The following SLC30A8 variants were observed in gnomAD, a reference collection of about 807,000 sequenced individuals.
SLC30A8 encodes solute carrier family 30 member 8, also known as proton-coupled zinc antiporter SLC30A8.
Under a neutral mutation model 36.9 loss-of-function variants are expected in SLC30A8, and 27 were observed. That is an observed-to-expected ratio of 0.73 (90% CI 0.54 to 1.01). The LOEUF is 1.01. Ranked by LOEUF, SLC30A8 falls within the 50% of genes least tolerant of loss-of-function variation. The probability of loss-of-function intolerance (pLI) is 0.00; values close to 1 mark genes in which losing one functional copy is unlikely to be tolerated. For synonymous variants in SLC30A8, 164 were observed against 172.4 expected (o/e 0.95, Z 0.38); for missense variants, 439 against 452.0 (o/e 0.97, Z 0.26).
intron 1 of SLC30A8, among the ~76,000 whole-genome samples, chr8:117,139,894 G>T (rs1349617193): frequency 6.6e-6 from 1 of 150,604 alleles, no homozygotes; most frequent in South Asian, 2.1e-4. Context: ...AACAGTCCAG[G>T]TGTTGTATTT....
chr8:117,082,601 T>C (rs1342167818), intron 2 of SLC30A8, among the ~76,000 whole-genome samples: 3 of 151,812 alleles, frequency 2.0e-5, no homozygotes, highest in Admixed American at 6.6e-5. Flanking sequence ...AAGATAAGAG[T>C]AGACAATTTG....
At chr8:116,985,758 A>G (rs1449666801) in intron 1 of SLC30A8, among the ~76,000 whole-genome samples, 1 of 151,744 alleles carries the variant, frequency 6.6e-6, no homozygotes, top group Non-Finnish European at 1.5e-5. Flanking sequence ...TCTGGAAATT[A>G]CCTAATTTTT....
chr8:117,168,867 G>C (rs532785560), intron 6 of SLC30A8, among the ~76,000 whole-genome samples: 1 of 152,264 alleles, frequency 6.6e-6, no homozygotes, highest in South Asian at 2.1e-4. Flanking sequence ...CCACTTCTCT[G>C]TGTGGCCTTA....
At chr8:117,154,314 G>T (rs1822361906) in intron 3 of SLC30A8, among the ~76,000 whole-genome samples, 1 of 151,660 alleles carries the variant, frequency 6.6e-6, no homozygotes, top group East Asian at 1.9e-4. Context: ...TCTATCAGCT[G>T]GAGGAGGTTC....
intron 2 of SLC30A8, among the ~76,000 whole-genome samples, chr8:117,061,860 A>C (rs894874475): frequency 6.6e-6 from 1 of 152,192 alleles, no homozygotes; most frequent in African/African-American, 2.4e-5. Context: ...AGTAAGAGGG[A>C]CAAGAAGAGA....
chr8:117,067,214 G>A (rs1818197155), intron 2 of SLC30A8, among the ~76,000 whole-genome samples: 1 of 152,088 alleles, frequency 6.6e-6, no homozygotes, highest in Non-Finnish European at 1.5e-5. Context: ...ACCACACGTA[G>A]GGATTATGAG....
chr8:117,075,090 T>C (rs1818449991), intron 2 of SLC30A8, among the ~76,000 whole-genome samples: 1 of 152,188 alleles, frequency 6.6e-6, no homozygotes, highest in Non-Finnish European at 1.5e-5. Context: ...TAGTATCCAA[T>C]TTTAGTGAAT....
chr8:117,107,362 A>G (rs938087528), intron 2 of SLC30A8, among the ~76,000 whole-genome samples: 2 of 152,228 alleles, frequency 1.3e-5, no homozygotes, highest in Non-Finnish European at 2.9e-5. Flanking sequence ...CAGTTGCTGC[A>G]TAAAATGGAC....
intron 1 of SLC30A8, among the ~76,000 whole-genome samples, chr8:116,969,148 T>G (rs909477534): frequency 6.6e-6 from 1 of 152,084 alleles, no homozygotes; most frequent in African/African-American, 2.4e-5. Context: ...CTTGACATGG[T>G]GGCTCAGGCC....
At chr8:117,024,434 C>T (rs1816807960) in intron 1 of SLC30A8, among the ~76,000 whole-genome samples, 1 of 152,134 alleles carries the variant, frequency 6.6e-6, no homozygotes, top group Non-Finnish European at 1.5e-5. Flanking sequence ...GGTCTCTTTC[C>T]ACTCCTTTTG....
At chr8:117,071,143 ACTAATT>A (rs1818318936) in intron 2 of SLC30A8, among the ~76,000 whole-genome samples, 1 of 152,168 alleles carries the variant, frequency 6.6e-6, no homozygotes. Context: ...TAATGGCTAT[ACTAATT>A]TATAGTCCCA....
At chr8:117,099,624 TAGAC>T (rs1384047005) in intron 2 of SLC30A8, among the ~76,000 whole-genome samples, 4 of 152,106 alleles carry the variant, frequency 2.6e-5, no homozygotes, top group Admixed American at 2.0e-4. Flanking sequence ...ATGGCAAAAA[TAGAC>T]AGGGGCCTGT....
Position 117,135,200 on chromosome 8 carries a change from T to C in SLC30A8, c.-128T>C, listed in dbSNP as rs1165161080. 1 of 561,924 alleles carries C rather than the reference T, an allele frequency of 1.8e-6. No homozygotes were observed. Among genetic ancestry groups the C allele is most frequent in the African/African-American group, 1.9e-5 (1 of 52,698 alleles). The allele number at this position is 561,924 out of a possible 1,614,324, so 34.8% of individuals were successfully genotyped here. A position where few individuals can be genotyped will look rare whatever the true frequency, so the allele number is the denominator to read the frequency against. On this transcript the variant is annotated 5_prime_UTR_variant, in exon 1 of 8. Transcript: ENST00000456015. ...CACTGATGTAGGAAGCTCATTATTTTAATTTCTGGAGCCTTTTAATTTTTT... is the reference window on the plus strand; with the variant it reads ...CACTGATGTAGGAAGCTCATTATTTCAATTTCTGGAGCCTTTTAATTTTTT...
Position 117,015,826 on chromosome 8 carries a change from G to A in SLC30A8, c.-265-23393G>A, listed in dbSNP as rs184463799. Among the ~76,000 whole-genome samples the A allele has an allele frequency of 9.9e-5, 15 of 152,232 alleles. No individual in the cohort carries two copies. The East Asian group carries it at 2.9e-3, about 29-fold the overall frequency. Reference sequence around the variant, plus strand: ...TTTTCTCTTCAAATGATCCTAATTGGTGTTATGCTTTATTTCACTGGTGTT... The same window carrying A: ...TTTTCTCTTCAAATGATCCTAATTGATGTTATGCTTTATTTCACTGGTGTT... On this transcript the variant is annotated intron_variant, in intron 1 of 10. Transcript: ENST00000427715.
intron 2 of SLC30A8, among the ~76,000 whole-genome samples, chr8:117,127,564 A>T (rs1218774779): frequency 6.6e-6 from 1 of 152,054 alleles, no homozygotes; most frequent in Non-Finnish European, 1.5e-5. Flanking sequence ...AAAATATTTG[A>T]ATTTATATGA....
chr8:117,097,406 A>G (rs1381288062), intron 2 of SLC30A8, among the ~76,000 whole-genome samples: 3 of 124,130 alleles, frequency 2.4e-5, no homozygotes, highest in Non-Finnish European at 4.8e-5. Context: ...CAAAAAAAAA[A>G]AAAAAAAAAA....
chr8:117,168,784 T>A (rs550495066), intron 6 of SLC30A8, among the ~76,000 whole-genome samples: 3 of 152,276 alleles, frequency 2.0e-5, no homozygotes, highest in Non-Finnish European at 4.4e-5. Flanking sequence ...TGATTGCAAT[T>A]CCTAGACTCT....
intron 1 of SLC30A8, among the ~76,000 whole-genome samples, chr8:116,983,033 A>G (rs1274327181): frequency 6.6e-6 from 1 of 152,166 alleles, no homozygotes; most frequent in Non-Finnish European, 1.5e-5. Context: ...GATAAATTGA[A>G]AGAATCTACC....
At chr8:117,021,785 T>C (rs543858697) in intron 1 of SLC30A8, among the ~76,000 whole-genome samples, 3 of 152,116 alleles carry the variant, frequency 2.0e-5, no homozygotes, top group Non-Finnish European at 4.4e-5. Context: ...ATTAAAACAG[T>C]GTGGTATTGG....
Sources: allele counts gnomAD v4.1 joint callset (sites outside exome capture counted in the v4.1 genomes callset), GRCh38; gene constraint gnomAD v4.1.1; transcripts MANE v1.5; gene names NCBI Gene and HGNC (gene_info 2026-07-23, HGNC 2026-07-21).